Variants in FAM13B observed in about 807,000 individuals in gnomAD.
The protein encoded by FAM13B is protein FAM13B.
In FAM13B, 60 loss-of-function variants were observed where a neutral mutation model predicts 117.3. The observed-to-expected ratio is 0.51, with a 90% CI of 0.42 to 0.63. The LOEUF (loss-of-function observed/expected upper bound fraction) is 0.63, where lower values mean the gene tolerates loss of function less well. Ranked by LOEUF, FAM13B falls within the 30% of genes least tolerant of loss-of-function variation. The probability of loss-of-function intolerance (pLI) is 0.00; values close to 1 mark genes in which losing one functional copy is unlikely to be tolerated. For synonymous variants in FAM13B, 332 were observed against 356.1 expected (o/e 0.93, Z 0.76); for missense variants, 972 against 1,091.9 (o/e 0.89, Z 1.55).
intron 7 of FAM13B, among the ~76,000 whole-genome samples, chr5:137,994,713 G>A (rs1261433057): frequency 6.6e-6 from 1 of 151,942 alleles, no homozygotes; most frequent in Non-Finnish European, 1.5e-5. Context: ...AAATCACAGG[G>A]GACATATATA....
At chr5:137,961,314 A>AAACAAC (rs56832242) in intron 11 of FAM13B, among the ~76,000 whole-genome samples, 19,503 of 151,208 alleles carry the variant, frequency 0.13, 1,346 homozygotes, top group Non-Finnish European at 0.16. Context: ...CTTTTTCCAA[A>AAACAAC]AACAACAACA....
chr5:137,975,793 A>G (rs1773735745), intron 10 of FAM13B, among the ~76,000 whole-genome samples: 1 of 150,486 alleles, frequency 6.6e-6, no homozygotes, highest in South Asian at 2.1e-4. Context: ...AACCCCCTCT[A>G]TGCAGTGTTC....
chr5:138,026,254 C>T (rs190281572), intron 1 of FAM13B, among the ~76,000 whole-genome samples: 16 of 152,222 alleles, frequency 1.1e-4, no homozygotes, highest in Middle Eastern at 6.8e-3. Flanking sequence ...GTGATAGTTA[C>T]ATATGAATAT....
At chr5:138,001,959 G>A (rs1387222064) in intron 7 of FAM13B, among the ~76,000 whole-genome samples, 1 of 152,190 alleles carries the variant, frequency 6.6e-6, no homozygotes, top group African/African-American at 2.4e-5. Flanking sequence ...GCAGTTAGAG[G>A]TGGGATGGGG....
At chr5:137,942,286 A>AAG (rs10700651) in intron 22 of FAM13B, 80,049 of 495,722 alleles carry the variant, frequency 0.16, 7,242 homozygotes, top group African/African-American at 0.2. Flanking sequence ...TCCAAAGGTA[A>AAG]AGAAGTGGAT....
At chr5:138,045,406 C>A (rs769319624) in intron 1 of FAM13B, among the ~76,000 whole-genome samples, 1 of 151,992 alleles carries the variant, frequency 6.6e-6, no homozygotes, top group Non-Finnish European at 1.5e-5. Context: ...CAGTGGCACA[C>A]ACCTGTAATC....
chr5:137,980,639 C>T (rs1775439094), intron 10 of FAM13B, among the ~76,000 whole-genome samples: 1 of 151,964 alleles, frequency 6.6e-6, no homozygotes, highest in African/African-American at 2.4e-5. Context: ...GGGGTTTCAC[C>T]ATGTTGCCCA....
At chr5:137,948,838 A>G in intron 18 of FAM13B, 117 bp downstream of exon 18, 1 of 709,502 alleles carries the variant, frequency 1.4e-6, no homozygotes, top group African/African-American at 1.8e-5. Context: ...ATCTGCAAAG[A>G]TGGGGAGCAG....
intron 4 of FAM13B, among the ~76,000 whole-genome samples, chr5:138,012,182 T>C (rs1028094019): frequency 1.3e-5 from 2 of 151,768 alleles, no homozygotes; most frequent in African/African-American, 4.8e-5. Context: ...CTGGAGGATG[T>C]TTTCCTCATC....
chr5:138,000,929 C>CAA (rs137895601), intron 7 of FAM13B, among the ~76,000 whole-genome samples: 5 of 17,908 alleles, frequency 2.8e-4, no homozygotes, highest in African/African-American at 8.5e-4. Flanking sequence ...GACACTGTCT[C>CAA]AAAAAACAAA....
chr5:138,017,918 T>C (rs779188105), intron 4 of FAM13B, among the ~76,000 whole-genome samples: 2 of 152,186 alleles, frequency 1.3e-5, no homozygotes, highest in Non-Finnish European at 2.9e-5. Flanking sequence ...CAGGGATAAG[T>C]AACCCTAATA....
At chr5:137,949,380 G>C (rs752027490) in intron 17 of FAM13B, among the ~76,000 whole-genome samples, 196 bp from the exon 18 acceptor site, 1 of 151,844 alleles carries the variant, frequency 6.6e-6, no homozygotes, top group Non-Finnish European at 1.5e-5. Flanking sequence ...GCTCACACCT[G>C]TAATCCCAGA....
At chr5:138,048,172 A>C (rs966191849) in intron 1 of FAM13B, among the ~76,000 whole-genome samples, 4 of 152,152 alleles carry the variant, frequency 2.6e-5, no homozygotes, top group African/African-American at 9.7e-5. Context: ...CCATATACCC[A>C]CTGCCCCACA....
Position 137,946,115 on chromosome 5 carries a change from C to T in FAM13B, c.2244+113G>A, listed in dbSNP as rs901661938. ...TATATTAAATACATAGGCAATCCCC[C>T]AATTGTAGGAAATAATGCTCAAAAA... is the stretch of plus-strand genomic sequence containing the variant. On this transcript the variant is annotated intron_variant, in intron 19 of 23. Transcript: ENST00000689681. The T allele has an allele frequency of 8.2e-6, 10 of 1,222,262 alleles. No individual in the cohort carries two copies. The Admixed American group carries it at 1.7e-4, about 20-fold the overall frequency. The allele number at this position is 1,222,262 out of a possible 1,614,324, so 75.7% of individuals were successfully genotyped here.
In FAM13B at chr5:138,032,893, C is replaced by G; in HGVS notation, c.-314G>C. ...AAGTGGCTCCGCGGCCGAGAAGCCT[C>G]TTCCTGGGGCGGCCGCTGACGGGAG... On this transcript the variant is annotated 5_prime_UTR_variant, in exon 1 of 24. Transcript: ENST00000689681. 1.0e-6 allele frequency: 1 copy of G among 985,714 alleles called. No homozygotes were observed. Among genetic ancestry groups the G allele is most frequent in the Non-Finnish European group, 1.2e-6 (1 of 829,992 alleles). 61.1% of individuals were successfully genotyped at this position (985,714 alleles called of 1,614,324 possible). A position where few individuals can be genotyped will look rare whatever the true frequency, so the allele number is the denominator to read the frequency against.
chr5:137,966,764 A>G (rs1246150604), intron 10 of FAM13B, among the ~76,000 whole-genome samples: 1 of 152,140 alleles, frequency 6.6e-6, no homozygotes, highest in African/African-American at 2.4e-5. Context: ...TGGCACTGTC[A>G]CTCATTGCTG....
At chr5:138,014,037 A>G (rs1784688221) in intron 4 of FAM13B, among the ~76,000 whole-genome samples, 1 of 152,140 alleles carries the variant, frequency 6.6e-6, no homozygotes, top group African/African-American at 2.4e-5. Context: ...CCCAGGCCCA[A>G]GCGATCCTCC....
chr5:137,983,831 A>G (rs1169409620), intron 10 of FAM13B, among the ~76,000 whole-genome samples: 1 of 152,198 alleles, frequency 6.6e-6, no homozygotes, highest in Non-Finnish European at 1.5e-5. Context: ...AAGTCAGGTA[A>G]CTTGGCCAAA....
intron 1 of FAM13B, among the ~76,000 whole-genome samples, chr5:138,030,064 A>G (rs1042395999): frequency 1.3e-5 from 2 of 152,204 alleles, no homozygotes; most frequent in Admixed American, 6.6e-5. Flanking sequence ...CATTTTCCTC[A>G]GCCTAGGTCT....
Sources: allele counts gnomAD v4.1 joint callset (sites outside exome capture counted in the v4.1 genomes callset), GRCh38; gene constraint gnomAD v4.1.1; transcripts MANE v1.5; gene names NCBI Gene and HGNC (gene_info 2026-07-23, HGNC 2026-07-21).